Variants in CCNH observed in about 807,000 individuals in gnomAD.
The protein encoded by CCNH is cyclin-H.
CCNH carries 31 observed loss-of-function variants against 41.9 expected under a neutral mutation model. That is an observed-to-expected ratio of 0.74 (90% CI 0.56 to 1.00). The LOEUF (loss-of-function observed/expected upper bound fraction) is 1.00, where lower values mean the gene tolerates loss of function less well. Ranked by LOEUF, CCNH falls within the 50% of genes least tolerant of loss-of-function variation. The pLI is 0.00. For missense variants in CCNH, 362 were observed against 388.4 expected, an observed-to-expected ratio of 0.93 and a Z score of 0.57; for synonymous variants, 138 against 136.1, an observed-to-expected ratio of 1.01 and a Z score of -0.10.
At chr5:87,365,027 G>T (rs182523365) in intron 9 of CCNH, among the ~76,000 whole-genome samples, 2 of 152,028 alleles carry the variant, frequency 1.3e-5, no homozygotes, top group African/African-American at 2.4e-5. Context: ...GTTTATTATC[G>T]TGAAAACAGT....
At chr5:87,316,311 T>C (rs1233977084), downstream of CCNH, among the ~76,000 whole-genome samples, 1 of 152,170 alleles carries the variant, frequency 6.6e-6, no homozygotes, top group African/African-American at 2.4e-5. Context: ...GCCAGTTGGT[T>C]TCAGAATGCA....
In CCNH at chr5:87,376,386, T is replaced by C; in HGVS notation, n.795A>G. Reference sequence around the variant, plus strand: ...TTAAACAATAATTGCTTGTTTTTCTTCCCAAGTATTTATGCGCTGCCAGTT... The same window carrying C: ...TTAAACAATAATTGCTTGTTTTTCTCCCCAAGTATTTATGCGCTGCCAGTT... On this transcript the variant is annotated non_coding_transcript_exon_variant, in exon 1 of 1. Transcript: ENST00000607486. 1 of 1,613,864 alleles carries C rather than the reference T, an allele frequency of 6.2e-7. No homozygotes were observed. Among genetic ancestry groups the C allele is most frequent in the Non-Finnish European group, 8.5e-7 (1 of 1,179,922 alleles).
chr5:87,350,244 A>T (rs928607907), intron 9 of CCNH, among the ~76,000 whole-genome samples: 3 of 151,840 alleles, frequency 2.0e-5, no homozygotes, highest in African/African-American at 4.8e-5. Context: ...GTAAGATGTG[A>T]GTCTAGGCAG....
intron 9 of CCNH, among the ~76,000 whole-genome samples, chr5:87,323,657 G>A (rs1756992650): frequency 1.3e-5 from 2 of 151,786 alleles, no homozygotes; most frequent in Non-Finnish European, 2.9e-5. Flanking sequence ...GATTTGTAAA[G>A]TATATTGTAA....
chr5:87,400,933 A>G (rs1763359273), intron 6 of CCNH, among the ~76,000 whole-genome samples: 1 of 152,196 alleles, frequency 6.6e-6, no homozygotes, highest in South Asian at 2.1e-4. Flanking sequence ...ACCGGCACTA[A>G]TGACAGGGTT....
At chr5:87,390,943 G>C, downstream of CCNH, 2 of 1,496,782 alleles carry the variant, frequency 1.3e-6, no homozygotes, top group Non-Finnish European at 1.9e-6. Context: ...ATTCACTTCA[G>C]TTTAATGTCT....
At chr5:87,363,016 G>C (rs1178102311) in intron 9 of CCNH, among the ~76,000 whole-genome samples, 1 of 150,994 alleles carries the variant, frequency 6.6e-6, no homozygotes, top group Admixed American at 6.6e-5. Flanking sequence ...TGTGGGTGGG[G>C]GTGTGCTTTA....
intron 1 of CCNH, 80 bp downstream of exon 1, chr5:87,412,598 G>T: frequency 6.4e-7 from 1 of 1,567,644 alleles, no homozygotes. Context: ...GAGCGAGATT[G>T]TCCTGGGAGC....
At chr5:87,326,674 C>A (rs905825672) in intron 9 of CCNH, among the ~76,000 whole-genome samples, 1 of 152,058 alleles carries the variant, frequency 6.6e-6, no homozygotes, top group Non-Finnish European at 1.5e-5. Flanking sequence ...CTTTATATTG[C>A]CCCCAACACC....
chr5:87,329,562 A>G (rs1003551988), intron 9 of CCNH, among the ~76,000 whole-genome samples: 8 of 152,228 alleles, frequency 5.3e-5, no homozygotes, highest in Non-Finnish European at 8.8e-5. Context: ...ATCTCTGTGT[A>G]TCATTTCAAT....
At chr5:87,378,816 C>T (rs1181009615), upstream of CCNH, among the ~76,000 whole-genome samples, 1 of 152,118 alleles carries the variant, frequency 6.6e-6, no homozygotes, top group Non-Finnish European at 1.5e-5. Context: ...CTATATACTA[C>T]TTACAGAAAG....
chr5:87,350,593 A>G (rs1759191611), intron 9 of CCNH, among the ~76,000 whole-genome samples: 1 of 151,684 alleles, frequency 6.6e-6, no homozygotes. Flanking sequence ...TACTGGAGGA[A>G]GTCGGTAAAA....
chr5:87,389,698 A>G (rs898888766), downstream of CCNH, among the ~76,000 whole-genome samples: 7 of 152,232 alleles, frequency 4.6e-5, no homozygotes, highest in Non-Finnish European at 1.0e-4. Context: ...CCCGACTAAA[A>G]TGATGTACAT....
intron 1 of CCNH, among the ~76,000 whole-genome samples, chr5:87,412,041 C>T (rs987005991): frequency 1.3e-5 from 2 of 152,156 alleles, no homozygotes; most frequent in Non-Finnish European, 2.9e-5. Flanking sequence ...TCTCTGGTCT[C>T]CCTCCCTCAT....
chr5:87,396,691 TAA>T (rs1299094567), intron 7 of CCNH, among the ~76,000 whole-genome samples: 1 of 152,046 alleles, frequency 6.6e-6, no homozygotes, highest in Admixed American at 6.5e-5. Flanking sequence ...AGATGAAATA[TAA>T]GTGACTGTTA....
At chr5:87,332,771 G>T in intron 9 of CCNH, 2 of 966,182 alleles carry the variant, frequency 2.1e-6, no homozygotes, top group Non-Finnish European at 1.5e-6. Context: ...TTTAATTCGG[G>T]TTATAATGTC....
At chr5:87,392,244 A>C (rs1762578379), downstream of CCNH, 1 of 456,236 alleles carries the variant, frequency 2.2e-6, no homozygotes, top group South Asian at 1.5e-5. Flanking sequence ...ACTTTATGCT[A>C]TTCCTCTAAT....
chr5:87,411,723 A>G (rs956732957), intron 1 of CCNH, among the ~76,000 whole-genome samples: 1 of 152,220 alleles, frequency 6.6e-6, no homozygotes, highest in African/African-American at 2.4e-5. Flanking sequence ...GTCAGTCATT[A>G]CGTCACAAGT....
At chr5:87,334,018 T>A (rs527473265) in intron 9 of CCNH, among the ~76,000 whole-genome samples, 6 of 152,206 alleles carry the variant, frequency 3.9e-5, no homozygotes, top group Admixed American at 6.5e-5. Flanking sequence ...ACAGCAGTTC[T>A]GTAAGTGTGT....
Sources: allele counts gnomAD v4.1 joint callset (sites outside exome capture counted in the v4.1 genomes callset), GRCh38; gene constraint gnomAD v4.1.1; transcripts MANE v1.5; gene names NCBI Gene and HGNC (gene_info 2026-07-23, HGNC 2026-07-21).